Variants in CAMTA1 observed in about 807,000 individuals in gnomAD.
The protein encoded by CAMTA1 is calmodulin-binding transcription activator 1.
CAMTA1 carries 27 observed loss-of-function variants against 170.9 expected under a neutral mutation model. The ratio of observed to expected loss-of-function variants is 0.16; its 90% CI spans 0.12 to 0.22. The LOEUF (loss-of-function observed/expected upper bound fraction) is 0.22. Among genes scored for constraint, CAMTA1 ranks in the 10% least tolerant of loss-of-function variants. The probability of loss-of-function intolerance (pLI) is 1.00; values close to 1 mark genes in which losing one functional copy is unlikely to be tolerated. For synonymous variants in CAMTA1, 833 were observed against 891.5 expected, an observed-to-expected ratio of 0.93 and a Z score of 1.17; for missense variants, 1,619 against 2,217.2, an observed-to-expected ratio of 0.73 and a Z score of 5.42.
chr1:7,082,446 T>TAGATAGAC, intron 3 of CAMTA1, among the ~76,000 whole-genome samples: 1 of 144,972 alleles, frequency 6.9e-6, no homozygotes, highest in South Asian at 2.4e-4. Flanking sequence ...TCGAAATAGA[T>TAGATAGAC]AGATAGATAG....
chr1:7,015,101 T>G (rs1223869941), intron 3 of CAMTA1, among the ~76,000 whole-genome samples: 3 of 152,168 alleles, frequency 2.0e-5, no homozygotes, highest in Admixed American at 2.0e-4. Context: ...CTGCCCTGGT[T>G]TGCTGGATGG....
At chr1:7,197,434 G>A (rs113627523) in intron 4 of CAMTA1, among the ~76,000 whole-genome samples, 10,375 of 152,028 alleles carry the variant, frequency 0.068, 515 homozygotes, top group Non-Finnish European at 0.095. Context: ...CACAGGGTTC[G>A]GGAGACATCT....
At position 7,325,404 on chromosome 1, in the gene CAMTA1, A is replaced by C. The variant is rs1239217899; in HGVS notation, c.438+75778A>C. The stretch of plus-strand genomic sequence containing the variant: ...GAAGCCATGTCTGCCTGGGAGGGGA[A>C]ACACTGAGGTGGAGGGACAGCCAGT... On this transcript the variant is annotated intron_variant, in intron 5 of 22. Coordinates refer to ENST00000303635, the MANE Select transcript of CAMTA1 (RefSeq NM_015215.4). This position sits in a 1 kb window ranked among gnomAD's most constrained non-coding sequence, Gnocchi z 5.0. Among the ~76,000 whole-genome samples the C allele has an allele frequency of 6.6e-6, 1 of 152,160 alleles. No homozygotes were observed. Among genetic ancestry groups the C allele is most frequent in the East Asian group, 1.9e-4 (1 of 5,188 alleles).
rs145303549 is a variant in CAMTA1, at chr1:6,829,715, G to A, written c.234+4505G>A. Among the ~76,000 whole-genome samples, 461 of 152,302 alleles carry A rather than the reference G, an allele frequency of 3.0e-3. 3 individuals are homozygous for A. Among genetic ancestry groups the A allele is most frequent in the African/African-American group, 9.4e-3 (389 of 41,554 alleles). ...AACTAATGTACCCGCAGTCAGAGCC[G>A]GGAAGTGGGGGACGGGGGAGTTCAG... On this transcript the variant is annotated intron_variant, in intron 3 of 22. Transcript: ENST00000303635.
chr1:7,191,495 G>C (rs1654516512), intron 4 of CAMTA1, among the ~76,000 whole-genome samples: 1 of 152,118 alleles, frequency 6.6e-6, no homozygotes, highest in South Asian at 2.1e-4. Context: ...TAGCTCTCTT[G>C]GGTGGCACCA....
chr1:7,088,753 T>G (rs906921916), intron 3 of CAMTA1, among the ~76,000 whole-genome samples: 3 of 152,198 alleles, frequency 2.0e-5, no homozygotes, highest in Non-Finnish European at 4.4e-5. Context: ...AGCATGGTCC[T>G]GAGCAGGGGC....
chr1:7,754,468 C>T (rs2096918137), intron 21 of CAMTA1, among the ~76,000 whole-genome samples: 1 of 152,144 alleles, frequency 6.6e-6, no homozygotes, highest in African/African-American at 2.4e-5. Context: ...CCCGTGTTTA[C>T]TTTGGGAGAG....
intron 10 of CAMTA1, among the ~76,000 whole-genome samples, chr1:7,672,538 C>T (rs955843612): frequency 2.0e-5 from 3 of 152,188 alleles, no homozygotes; most frequent in Non-Finnish European, 2.9e-5. Context: ...TCTCTTGCCT[C>T]AGCCTCCCTG....
At chr1:7,356,438 C>T (rs1173684078) in intron 5 of CAMTA1, among the ~76,000 whole-genome samples, 9 of 152,224 alleles carry the variant, frequency 5.9e-5, no homozygotes, top group African/African-American at 2.2e-4. Context: ...ACCAGGTGAT[C>T]TTGAGTGAGA....
intron 9 of CAMTA1, among the ~76,000 whole-genome samples, chr1:7,667,323 T>C (rs1357887959): frequency 2.0e-5 from 3 of 152,034 alleles, no homozygotes; most frequent in Admixed American, 2.0e-4. Flanking sequence ...AAGAAAGCGA[T>C]GCAAAGGGAC....
chr1:7,136,015 C>T lies in CAMTA1; in HGVS notation c.302+44644C>T, dbSNP rs534577705. ...TTTTACTTTCTGAAGGCTTATATCT[C>T]GCAGCCCAGTGTGGCTGGAGAAAAA... On this transcript the variant is annotated intron_variant, in intron 4 of 22. Coordinates refer to ENST00000303635, the MANE Select transcript of CAMTA1 (RefSeq NM_015215.4). Among the ~76,000 whole-genome samples, 19 of 152,304 alleles carry T rather than the reference C, an allele frequency of 1.2e-4. 1 individual carries two copies. The South Asian group carries it at 3.7e-3, about 30-fold the overall frequency.
chr1:7,514,409 C>T (rs374500992), intron 6 of CAMTA1, among the ~76,000 whole-genome samples: 1 of 152,222 alleles, frequency 6.6e-6, no homozygotes, highest in African/African-American at 2.4e-5. Context: ...AGGGCATTGA[C>T]TTGTTCTGCA....
intron 11 of CAMTA1, among the ~76,000 whole-genome samples, chr1:7,697,926 G>A (rs563143370): frequency 3.9e-4 from 59 of 152,160 alleles, no homozygotes; most frequent in Non-Finnish European, 6.6e-4. Context: ...TCAAAATGAT[G>A]AGAATGGGTA....
At chr1:7,126,916 G>A (rs1019492056) in intron 4 of CAMTA1, among the ~76,000 whole-genome samples, 5 of 152,072 alleles carry the variant, frequency 3.3e-5, no homozygotes, top group East Asian at 3.9e-4. Context: ...GACTACAGGC[G>A]CCCGCCACCA....
intron 4 of CAMTA1, among the ~76,000 whole-genome samples, chr1:7,091,873 C>G (rs1318806999): frequency 6.6e-6 from 1 of 152,240 alleles, no homozygotes; most frequent in Non-Finnish European, 1.5e-5. Flanking sequence ...AACCTGCTAA[C>G]TGCCGCAAAC....
chr1:6,964,662 C>G (rs1691199170), intron 3 of CAMTA1, among the ~76,000 whole-genome samples: 1 of 152,248 alleles, frequency 6.6e-6, no homozygotes, highest in South Asian at 2.1e-4. Context: ...GTGACTGATA[C>G]ACTCATTCCT....
Position 7,547,877 on chromosome 1 carries a change from G to C in CAMTA1, c.510+79976G>C, listed in dbSNP as rs1048103468. 2.0e-5 allele frequency among the ~76,000 whole-genome samples: 3 copies of C among 151,990 alleles called. No individual in the cohort carries two copies. The highest frequency in any genetic ancestry group is 4.4e-5 in the Non-Finnish European group (3 of 68,004). On this transcript the variant is annotated intron_variant, in intron 6 of 22. Coordinates refer to ENST00000303635, the MANE Select transcript of CAMTA1 (RefSeq NM_015215.4). The surrounding 1 kb of genome is among the most constrained non-coding windows in gnomAD (Gnocchi z 5.7). Reference sequence around the variant, plus strand: ...ACACCCCTTGCAAGGGCACTCCACTGTGTGGACCCCCCACTCACCCGTCAA... The same window carrying C: ...ACACCCCTTGCAAGGGCACTCCACTCTGTGGACCCCCCACTCACCCGTCAA...
At chr1:6,935,900 T>C (rs564034992) in intron 3 of CAMTA1, among the ~76,000 whole-genome samples, 4 of 152,178 alleles carry the variant, frequency 2.6e-5, no homozygotes, top group South Asian at 4.2e-4. Flanking sequence ...AGGGGTGGGC[T>C]CAGGGTCTCA....
chr1:7,434,015 C>T (rs1334947442), intron 5 of CAMTA1, among the ~76,000 whole-genome samples: 1 of 152,166 alleles, frequency 6.6e-6, no homozygotes, highest in Non-Finnish European at 1.5e-5. Context: ...TCACTGCTGC[C>T]TGCTTCGCCC....
Sources: gnomAD v4.1 joint callset for allele counts (sites outside exome capture counted in the v4.1 genomes callset) on GRCh38, gnomAD v4.1.1 for gene constraint, Gnocchi (gnomAD v3.1) non-coding constraint, MANE v1.5 for transcripts, NCBI Gene and HGNC (gene_info 2026-07-23, HGNC 2026-07-21) for gene names.